The following CACNA1C variants were observed in gnomAD, a reference collection of about 807,000 sequenced individuals.
CACNA1C encodes the protein voltage-dependent L-type calcium channel subunit alpha-1C.
In CACNA1C, 30 loss-of-function variants were observed where a neutral mutation model predicts 229.0. The ratio of observed to expected loss-of-function variants is 0.13; its 90% CI spans 0.10 to 0.18. The LOEUF is 0.18. CACNA1C is among the 10% of genes least tolerant of loss of function. The probability of loss-of-function intolerance (pLI) is 1.00; values close to 1 mark genes in which losing one functional copy is unlikely to be tolerated. For synonymous variants in CACNA1C, 1,114 were observed against 1,132.5 expected, an observed-to-expected ratio of 0.98 and a Z score of 0.33; for missense variants, 1,658 against 2,845.0, an observed-to-expected ratio of 0.58 and a Z score of 9.49.
intron 3 of CACNA1C, among the ~76,000 whole-genome samples, chr12:2,442,062 C>G (rs2099233633): frequency 6.6e-6 from 1 of 152,182 alleles, no homozygotes; most frequent in Non-Finnish European, 1.5e-5. Context: ...CAAGGATGTG[C>G]AGCCAGTTGG....
At chr12:2,135,744 T>A (rs1315501780) in intron 3 of CACNA1C, among the ~76,000 whole-genome samples, 1 of 146,382 alleles carries the variant, frequency 6.8e-6, no homozygotes, top group Non-Finnish European at 1.5e-5. Context: ...TCTGCAGAAG[T>A]TACTGCTGTC....
intron 3 of CACNA1C, among the ~76,000 whole-genome samples, chr12:2,418,827 C>T (rs562727942): frequency 1.3e-5 from 2 of 152,188 alleles, no homozygotes; most frequent in East Asian, 1.9e-4. Context: ...CCATGCTGAC[C>T]CCCAGTGGGA....
intron 8 of CACNA1C, among the ~76,000 whole-genome samples, chr12:2,511,724 T>G (rs1177842231): frequency 1.3e-5 from 2 of 152,160 alleles, no homozygotes; most frequent in Admixed American, 6.5e-5. Flanking sequence ...TTCACTTTGT[T>G]GATGATTGCC....
intron 3 of CACNA1C, among the ~76,000 whole-genome samples, chr12:2,141,807 CTGGA>C (rs1185959083): frequency 6.6e-6 from 1 of 151,216 alleles, no homozygotes; most frequent in Non-Finnish European, 1.5e-5. Context: ...CCCCATCTAT[CTGGA>C]AGTGGGGTGA....
At chr12:2,305,027 T>A (rs2094903373) in intron 3 of CACNA1C, among the ~76,000 whole-genome samples, 1 of 152,178 alleles carries the variant, frequency 6.6e-6, no homozygotes, top group South Asian at 2.1e-4. Context: ...GATAACTGCC[T>A]CAGCATCCAT....
Position 2,666,492 on chromosome 12 carries a change from C to T in CACNA1C, c.4527-194C>T, listed in dbSNP as rs933584723. The T allele has an allele frequency of 1.4e-5, 7 of 488,074 alleles. 1 individual carries two copies. The highest frequency in any genetic ancestry group is 7.1e-5 in the Admixed American group (2 of 28,338). The allele number at this position is 488,074 out of a possible 1,614,324, so 30.2% of individuals were successfully genotyped here. On this transcript the variant is annotated intron_variant, in intron 36 of 46. Coordinates refer to ENST00000399655, the MANE Select transcript of CACNA1C (RefSeq NM_000719.7). This position sits in a 1 kb window ranked among gnomAD's most constrained non-coding sequence, Gnocchi z 5.3. ...AAAATGATTCATTAAAATCTAAACA[C>T]GTGTATATGTATATTGGTTTGGGGC... is the stretch of plus-strand genomic sequence containing the variant.
At chr12:2,078,713 C>A (rs7308954) in intron 1 of CACNA1C, among the ~76,000 whole-genome samples, 1 of 152,150 alleles carries the variant, frequency 6.6e-6, no homozygotes, top group Non-Finnish European at 1.5e-5. Context: ...TCGTGGAAGT[C>A]GGTGTGGCGA....
rs1165262856 is a variant in CACNA1C, at chr12:2,067,925, A to G, written c.49+14314A>G. On this transcript the variant is annotated intron_variant, in intron 1 of 46. Coordinates refer to ENST00000399655, the MANE Select transcript of CACNA1C (RefSeq NM_000719.7). The surrounding 1 kb of genome is among the most constrained non-coding windows in gnomAD (Gnocchi z 5.3). ...ATATTGGCTCTCTGGAGAACCGGTTAGCCTTTGTGGAGTGTTAAGCCCTGC... is the reference window on the plus strand; with the variant it reads ...ATATTGGCTCTCTGGAGAACCGGTTGGCCTTTGTGGAGTGTTAAGCCCTGC... 6.6e-6 allele frequency among the ~76,000 whole-genome samples: 1 copy of G among 152,166 alleles called. No homozygotes were observed. The highest frequency in any genetic ancestry group is 1.9e-4 in the East Asian group (1 of 5,190).
intron 3 of CACNA1C, among the ~76,000 whole-genome samples, chr12:2,364,184 C>T (rs1567256818): frequency 6.6e-6 from 1 of 152,150 alleles, no homozygotes; most frequent in East Asian, 1.9e-4. Flanking sequence ...TTTTAGTTCT[C>T]TTTTTTTTCT....
intron 1 of CACNA1C, among the ~76,000 whole-genome samples, chr12:2,071,172 C>CCCTCCCTCCCTTCCTGCCTGCCTG (rs1555115765): frequency 5.0e-4 from 8 of 16,042 alleles, no homozygotes; most frequent in Non-Finnish European, 8.1e-4. Context: ...CTCCCTCCCT[C>CCCTCCCTCCCTTCCTGCCTGCCTG]CCTGCCTGCC....
Position 2,688,575 on chromosome 12 carries a change from C to T in CACNA1C, c.5913C>T (p.Thr1971=), listed in dbSNP as rs749774881. The change falls in exon 46 of 47, where the codon ACC becomes ACT. Residue 1971 remains threonine, a synonymous_variant. Transcript: ENST00000399655. ...GCTGGCCCCCACAGCCCGTCCCCAC[C>T]CTGCGGCTTGAGGGGGTCGAGTCCA... ...SRGWPPQPVP[T]LRLEGVESSE... 6.2e-7 allele frequency: 1 copy of T among 1,614,044 alleles called. No individual in the cohort carries two copies. Among genetic ancestry groups the T allele is most frequent in the Non-Finnish European group, 8.5e-7 (1 of 1,179,914 alleles).
intron 3 of CACNA1C, among the ~76,000 whole-genome samples, chr12:2,155,941 T>C (rs1001745638): frequency 2.0e-5 from 3 of 152,196 alleles, no homozygotes; most frequent in African/African-American, 7.2e-5. Flanking sequence ...CCCCAATGAC[T>C]CTAATTTTTA....
chr12:1,984,107 C>T (rs2036941825), intron 1 of CACNA1C, among the ~76,000 whole-genome samples: 1 of 151,922 alleles, frequency 6.6e-6, no homozygotes, highest in South Asian at 2.1e-4. Context: ...TTACCTTTAA[C>T]CTATCTATAT....
Position 2,067,189 on chromosome 12 carries a change from A to G in CACNA1C, c.49+13578A>G, listed in dbSNP as rs2059567429. ...GCCAAGCTCGAGCTGGTGTGGGAGAATCAAGGTGGCCAGTGGGATGCAGGA... is the reference window on the plus strand; with the variant it reads ...GCCAAGCTCGAGCTGGTGTGGGAGAGTCAAGGTGGCCAGTGGGATGCAGGA... On this transcript the variant is annotated intron_variant, in intron 1 of 46. Coordinates refer to ENST00000399655, the MANE Select transcript of CACNA1C (RefSeq NM_000719.7). The surrounding 1 kb of genome is among the most constrained non-coding windows in gnomAD (Gnocchi z 5.3). Among the ~76,000 whole-genome samples the G allele has an allele frequency of 6.6e-6, 1 of 152,076 alleles. No homozygotes were observed. The highest frequency in any genetic ancestry group is 2.4e-5 in the African/African-American group (1 of 41,418).
chr12:2,415,296 G>A (rs943867562), intron 3 of CACNA1C, among the ~76,000 whole-genome samples: 9 of 151,654 alleles, frequency 5.9e-5, no homozygotes, highest in Non-Finnish European at 1.0e-4. Context: ...TCAACCATTC[G>A]CCTGTTGTCC....
chr12:2,415,562 C>A (rs1024167008), intron 3 of CACNA1C, among the ~76,000 whole-genome samples: 1 of 152,124 alleles, frequency 6.6e-6, no homozygotes, highest in Non-Finnish European at 1.5e-5. Context: ...CACCACCGTC[C>A]CAAGAAGAAG....
intron 9 of CACNA1C, among the ~76,000 whole-genome samples, chr12:2,546,937 G>A (rs1431231811): frequency 1.3e-5 from 2 of 152,176 alleles, no homozygotes; most frequent in Non-Finnish European, 2.9e-5. Context: ...GGTGCAAATA[G>A]CAAGGAAGCC....
chr12:2,514,096 C>T (rs191630592), intron 9 of CACNA1C, among the ~76,000 whole-genome samples: 1 of 152,256 alleles, frequency 6.6e-6, no homozygotes, highest in East Asian at 1.9e-4. Context: ...ACGAAGCAAA[C>T]AGGTTAAAGA....
chr12:2,387,583 G>C (rs1195440746), intron 3 of CACNA1C, among the ~76,000 whole-genome samples: 3 of 152,156 alleles, frequency 2.0e-5, no homozygotes, highest in Non-Finnish European at 4.4e-5. Flanking sequence ...AATGAACTAA[G>C]AGCTATAGCA....
Sources: gnomAD v4.1 joint callset for allele counts (sites outside exome capture counted in the v4.1 genomes callset) on GRCh38, gnomAD v4.1.1 for gene constraint, Gnocchi (gnomAD v3.1) non-coding constraint, MANE v1.5 for transcripts, NCBI Gene and HGNC (gene_info 2026-07-23, HGNC 2026-07-21) for gene names.